OR2V1: variants seen among roughly 807,000 people sequenced by gnomAD.
OR2V1 encodes the protein olfactory receptor 2V1.
OR2V1 carries 18 observed loss-of-function variants against 15.0 expected under a neutral mutation model. The observed-to-expected ratio is 1.20, with a 90% CI of 0.83 to 1.78. The LOEUF (loss-of-function observed/expected upper bound fraction) is 1.78, where lower values mean the gene tolerates loss of function less well. Ranked by LOEUF, OR2V1 falls within the 40% of genes most tolerant of loss-of-function variation. OR2V1 has a pLI of 0.00. For synonymous variants in OR2V1, 144 were observed against 146.1 expected (o/e 0.99, Z 0.10); for missense variants, 359 against 392.9 (o/e 0.91, Z 0.73).
Position 181,124,925 on chromosome 5 carries a change from AC to A in OR2V1, c.379del (p.Val127LeufsTer11). 1 of 1,614,100 alleles carries A rather than the reference AC, an allele frequency of 6.2e-7. No individual in the cohort carries two copies. ...GATGGGATAGTGAAGTGGGTGGCTA[AC>A]GGCCACGTAGCGGTCATAAGCCATG... Reference protein sequence around the residue: ...GLMAYDRYVAVSHPLHYPILM... With the variant: ...GLMAYDRYVAXSHPLHYPILM... On this transcript the variant is annotated frameshift_variant, in exon 4 of 4. Coordinates refer to ENST00000641551, the MANE Select transcript of OR2V1 (RefSeq NM_001258283.2). LOFTEE classifies it high-confidence loss of function.
At chr5:181,126,423 CA>C (rs1454585333) in intron 3 of OR2V1, among the ~76,000 whole-genome samples, 2 of 4,192 alleles carry the variant, frequency 4.8e-4, no homozygotes, top group Admixed American at 4.0e-3. Flanking sequence ...TCACACACCA[CA>C]CACACACACA....
At chr5:181,128,738 C>G (rs113771460) in intron 3 of OR2V1, among the ~76,000 whole-genome samples, 2 of 152,146 alleles carry the variant, frequency 1.3e-5, no homozygotes, top group African/African-American at 4.8e-5. Flanking sequence ...CTTCTGCCTC[C>G]CTTCCCTGCC....
chr5:181,124,931 A>G lies in OR2V1; in HGVS notation c.374T>C (p.Val125Ala). The G allele has an allele frequency of 6.2e-7, 1 of 1,614,146 alleles. No individual in the cohort carries two copies. The highest frequency in any genetic ancestry group is 8.5e-7 in the Non-Finnish European group (1 of 1,180,006). ...ATAGTGAAGTGGGTGGCTAACGGCC[A>G]CGTAGCGGTCATAAGCCATGAGTCC... ...LLGLMAYDRY[V>A]AVSHPLHYPI... is the part of the protein sequence containing the mutation. Residue 125 changes from valine (V) to alanine (A), a missense_variant, in exon 4 of 4, where the codon GTG (valine) becomes GCG (alanine). Coordinates refer to ENST00000641551, the MANE Select transcript of OR2V1 (RefSeq NM_001258283.2).
In OR2V1 at chr5:181,124,577, G is replaced by A. The variant is rs1031932072; in HGVS notation, c.728C>T (p.Ser243Phe). The part of the protein sequence containing the change: ...QAWKKALATC[S>F]SHLTAVTLFY... ...GAGGGTGACAGCTGTTAGGTGGGAG[G>A]AGCAGGTGGCCAGGGCTTTTTTCCA... The change falls in exon 4 of 4, where the codon TCC becomes TTC. Residue 243 changes from serine (S) to phenylalanine (F), a missense_variant. Coordinates refer to ENST00000641551, the MANE Select transcript of OR2V1 (RefSeq NM_001258283.2). 10 of 1,613,060 alleles carry A rather than the reference G, an allele frequency of 6.2e-6. No homozygotes were observed. The African/African-American group carries it at 9.3e-5, about 15-fold the overall frequency.
chr5:181,124,303 C>T lies in OR2V1; in HGVS notation c.*54G>A. On this transcript the variant is annotated 3_prime_UTR_variant, in exon 4 of 4. Transcript: ENST00000641551. The stretch of plus-strand genomic sequence containing the variant: ...ACAGACACTCACAAAGGTTGAGTGA[C>T]TTCCCAATGTGACACAGGCAAGAAG... 1 of 1,440,430 alleles carries T rather than the reference C, an allele frequency of 6.9e-7. No individual in the cohort carries two copies. Among genetic ancestry groups the T allele is most frequent in the East Asian group, 2.4e-5 (1 of 41,190 alleles). The allele number at this position is 1,440,430 out of a possible 1,614,324, so 89.2% of individuals were successfully genotyped here.
In OR2V1 at chr5:181,126,754, T is replaced by C. The variant is rs377763852; in HGVS notation, c.-21-1429A>G. Among the ~76,000 whole-genome samples, 15 of 147,370 alleles carry C rather than the reference T, an allele frequency of 1.0e-4. No homozygotes were observed. In the South Asian group the frequency reaches 2.4e-3, roughly 24 times the overall value. On this transcript the variant is annotated intron_variant, in intron 3 of 3. Coordinates refer to ENST00000641551, the MANE Select transcript of OR2V1 (RefSeq NM_001258283.2). ...GAGACATACACACACACACACAGAG[T>C]CATACACAAATACAGACATATACAC...
rs1328729599 is a variant in OR2V1 at position 181,124,832 on chromosome 5, A to G, written c.473T>C (p.Val158Ala). The change falls in exon 4 of 4, where the codon GTG becomes GCG. Residue 158 changes from valine (V) to alanine (A), a missense_variant. Physicochemically the swap from Val to Ala is moderately conservative, Grantham distance 64. Coordinates refer to ENST00000641551, the MANE Select transcript of OR2V1 (RefSeq NM_001258283.2). ...SSWAFGIIDGVIQMVAAMGLP... is the reference protein window; with the variant it reads ...SSWAFGIIDGAIQMVAAMGLP... ...GCCCATGGCTGCCACCATCTGAATCACTCCATCTATTATCCCAAAGGCCCA... is the reference window on the plus strand; with the variant it reads ...GCCCATGGCTGCCACCATCTGAATCGCTCCATCTATTATCCCAAAGGCCCA... 16 of 1,596,736 alleles carry G rather than the reference A, an allele frequency of 1.0e-5. No individual in the cohort carries two copies. The highest frequency in any genetic ancestry group is 1.4e-5 in the Non-Finnish European group (16 of 1,171,288).
chr5:181,130,795 G>A (rs867938249), intron 1 of OR2V1, among the ~76,000 whole-genome samples: 4 of 152,114 alleles, frequency 2.6e-5, no homozygotes, highest in Admixed American at 6.5e-5. Context: ...ACAGGAATGC[G>A]GAGGACATTC....
rs201592819 is a variant in OR2V1 at position 181,124,186 on chromosome 5, C to CT, written c.*170dup. The CT allele has an allele frequency of 8.2e-3, 4,329 of 525,802 alleles. 13 individuals are homozygous for CT. Among genetic ancestry groups the CT allele is most frequent in the Admixed American group, 0.01 (269 of 26,124 alleles). The allele number at this position is 525,802 out of a possible 1,614,324, so 32.6% of individuals were successfully genotyped here. ...CGAGTGTCCTGATTATCTTTTTTTC[C>CT]TTTTTTTTTGGTACAGAAATGTTCA... On this transcript the variant is annotated 3_prime_UTR_variant, in exon 4 of 4. Transcript: ENST00000641551.
rs1176699671 is a variant in OR2V1, at chr5:181,125,252, A to T, written c.53T>A (p.Ile18Asn). 7.4e-6 allele frequency: 12 copies of T among 1,613,886 alleles called. No homozygotes were observed. Among genetic ancestry groups the T allele is most frequent in the Non-Finnish European group, 1.0e-5 (12 of 1,180,052 alleles). ...AAGGTCAGTCTGGCTGTGGGAAAAGATGCCCAAGAGGAAGAAGCCATCTGT... is the reference window on the plus strand; with the variant it reads ...AAGGTCAGTCTGGCTGTGGGAAAAGTTGCCCAAGAGGAAGAAGCCATCTGT... ...SYTDGFFLLG[I>N]FSHSQTDLVL... The change falls in exon 4 of 4, where the codon ATC becomes AAC. Residue 18 changes from isoleucine to asparagine, a missense_variant. Transcript: ENST00000641551.
At position 181,124,317 on chromosome 5, in the gene OR2V1, A is replaced by C. The variant is rs1479213221; in HGVS notation, c.*40T>G. The C allele has an allele frequency of 6.8e-7, 1 of 1,472,976 alleles. No individual in the cohort carries two copies. Among genetic ancestry groups the C allele is most frequent in the Non-Finnish European group, 9.0e-7 (1 of 1,109,090 alleles). The allele number at this position is 1,472,976 out of a possible 1,614,324, so 91.2% of individuals were successfully genotyped here. On this transcript the variant is annotated 3_prime_UTR_variant, in exon 4 of 4. Transcript: ENST00000641551. ...AGGTTGAGTGACTTCCCAATGTGAC[A>C]CAGGCAAGAAGGGGCACAGCAGGCA...
intron 3 of OR2V1, among the ~76,000 whole-genome samples, chr5:181,126,453 C>G (rs545995511): frequency 0.02 from 2,925 of 148,536 alleles, 88 homozygotes; most frequent in African/African-American, 0.07. Flanking sequence ...CACACACACA[C>G]ACACAGAGAC....
In OR2V1 at chr5:181,125,306, GC is replaced by G. The variant is rs747636350; in HGVS notation, c.-3del. ...GGACTGGTTCACCCATCTTCCCATG[GC>G]TTAGTTGTTCACTGTCACCTGAGAA... On this transcript the variant is annotated 5_prime_UTR_variant, in exon 4 of 4. Coordinates refer to ENST00000641551, the MANE Select transcript of OR2V1 (RefSeq NM_001258283.2). 1 of 1,609,120 alleles carries G rather than the reference GC, an allele frequency of 6.2e-7. No homozygotes were observed. The highest frequency in any genetic ancestry group is 1.1e-5 in the South Asian group (1 of 90,998).
Position 181,126,491 on chromosome 5 carries a change from GAC to G in OR2V1, c.-21-1168_-21-1167del, listed in dbSNP as rs139159457. Among the ~76,000 whole-genome samples the G allele has an allele frequency of 2.8e-5, 4 of 141,608 alleles. No homozygotes were observed. In the East Asian group the frequency reaches 8.3e-4, roughly 29 times the overall value. 92.9% of individuals were successfully genotyped at this position (141,608 alleles called of 152,430 possible). A position where few individuals can be genotyped will look rare whatever the true frequency, so the allele number is the denominator to read the frequency against. ...ACAGACAGACACTAATACACACATA[GAC>G]ACACACACAGACAGACATATAGACA... On this transcript the variant is annotated intron_variant, in intron 3 of 3. Transcript: ENST00000641551.
intron 3 of OR2V1, among the ~76,000 whole-genome samples, chr5:181,126,259 A>C (rs1488568745): frequency 6.6e-6 from 1 of 152,248 alleles, no homozygotes; most frequent in South Asian, 2.1e-4. Context: ...CCCAGCTTCT[A>C]TCCTTGAACT....
At position 181,124,622 on chromosome 5, in the gene OR2V1, C is replaced by A. The variant is rs372188191; in HGVS notation, c.683G>T (p.Arg228Leu). The change falls in exon 4 of 4, where the codon CGA becomes CTA. Residue 228 changes from arginine (R) to leucine (L), a missense_variant. By Grantham distance (102) the Arg-to-Leu change is moderately radical. Coordinates refer to ENST00000641551, the MANE Select transcript of OR2V1 (RefSeq NM_001258283.2). ...TTTCCAGGCCTGAGCAGAGCGTATTCGGAGCACAGCCCCTAGGATGCAAGC... is the reference window on the plus strand; with the variant it reads ...TTTCCAGGCCTGAGCAGAGCGTATTAGGAGCACAGCCCCTAGGATGCAAGC... ...SYACILGAVL[R>L]IRSAQAWKKA... 2 of 1,613,640 alleles carry A rather than the reference C, an allele frequency of 1.2e-6. No homozygotes were observed. The highest frequency in any genetic ancestry group is 1.7e-6 in the Non-Finnish European group (2 of 1,179,880).
chr5:181,124,541 G>T lies in OR2V1; in HGVS notation c.764C>A (p.Ala255Glu), dbSNP rs768276571. The T allele has an allele frequency of 1.1e-4, 170 of 1,613,284 alleles. No homozygotes were observed. Among genetic ancestry groups the T allele is most frequent in the Non-Finnish European group, 1.3e-4 (159 of 1,179,556 alleles). Residue 255 changes from alanine (A) to glutamate (E), a missense_variant, in exon 4 of 4, where the codon GCA (alanine) becomes GAA (glutamate). Coordinates refer to ENST00000641551, the MANE Select transcript of OR2V1 (RefSeq NM_001258283.2). ...HLTAVTLFYG[A>E]AMFMYLRPRR... is the part of the protein sequence containing the mutation. ...AGGCCTCAGGTACATGAACATGGCTGCCCCATAGAAGAGGGTGACAGCTGT... is the reference window on the plus strand; with the variant it reads ...AGGCCTCAGGTACATGAACATGGCTTCCCCATAGAAGAGGGTGACAGCTGT...
Position 181,124,788 on chromosome 5 carries a change from T to C in OR2V1, c.517A>G (p.Arg173Gly). ...TCACAGAAAAAGTGATCCACGCTCC[T>C]TGAGCCACAGTAAGGTAAGCCCATG... ...AAMGLPYCGS[R>G]SVDHFFCEVQ... is the part of the protein sequence containing the mutation. Residue 173 changes from arginine (R) to glycine (G), a missense_variant, in exon 4 of 4, where the codon AGG (arginine) becomes GGG (glycine). By Grantham distance (125) the Arg-to-Gly change is moderately radical. Coordinates refer to ENST00000641551, the MANE Select transcript of OR2V1 (RefSeq NM_001258283.2). 6.3e-7 allele frequency: 1 copy of C among 1,596,914 alleles called. No homozygotes were observed. The highest frequency in any genetic ancestry group is 8.5e-7 in the Non-Finnish European group (1 of 1,172,966).
Position 181,124,483 on chromosome 5 carries a change from C to T in OR2V1, c.822G>A (p.Val274=). The change falls in exon 4 of 4, where the codon GTG becomes GTA. Residue 274 remains valine, a synonymous_variant. Coordinates refer to ENST00000641551, the MANE Select transcript of OR2V1 (RefSeq NM_001258283.2). ...RRYRAPSHDK[V]ASIFYTVLTP... is the part of the protein sequence containing the mutation. Reference sequence around the variant, plus strand: ...TAAGGACTGTGTAGAAGATAGAGGCCACCTTGTCATGGCTAGGGGCCCGGT... The same window carrying T: ...TAAGGACTGTGTAGAAGATAGAGGCTACCTTGTCATGGCTAGGGGCCCGGT... 6 of 1,613,948 alleles carry T rather than the reference C, an allele frequency of 3.7e-6. No homozygotes were observed. The highest frequency in any genetic ancestry group is 5.1e-6 in the Non-Finnish European group (6 of 1,179,948).
Sources: gnomAD v4.1 joint callset for allele counts (sites outside exome capture counted in the v4.1 genomes callset) on GRCh38, gnomAD v4.1.1 for gene constraint, MANE v1.5 for transcripts, NCBI Gene and HGNC (gene_info 2026-07-23, HGNC 2026-07-21) for gene names.